LACTB2: variants seen among roughly 807,000 people sequenced by gnomAD.
The protein encoded by LACTB2 is endoribonuclease LACTB2.
A neutral mutation model predicts 34.8 loss-of-function variants in LACTB2; 32 were observed. That is an observed-to-expected ratio of 0.92 (90% confidence interval 0.69 to 1.24). LACTB2 has a LOEUF of 1.24. Ranked by LOEUF, LACTB2 falls within the 50% of genes most tolerant of loss-of-function variation. LACTB2 has a pLI of 0.00. For synonymous variants in LACTB2, 120 were observed against 117.5 expected (o/e 1.02, Z -0.14); for missense variants, 320 against 345.0 (o/e 0.93, Z 0.57).
chr8:70,660,795 T>C (rs1563408046), intron 2 of LACTB2: 1 of 456,276 alleles, frequency 2.2e-6, no homozygotes, highest in Non-Finnish European at 4.4e-6. Context: ...TCTATTTTTT[T>C]CCCTTTTTTT....
At chr8:70,647,191 A>C (rs1818273691) in intron 3 of LACTB2, among the ~76,000 whole-genome samples, 1 of 152,050 alleles carries the variant, frequency 6.6e-6, no homozygotes, top group Non-Finnish European at 1.5e-5. Flanking sequence ...ATTACCTGCT[A>C]TTCTAGTCAG....
chr8:70,664,989 G>T (rs1371407343), intron 1 of LACTB2, among the ~76,000 whole-genome samples: 1 of 152,142 alleles, frequency 6.6e-6, no homozygotes, highest in Non-Finnish European at 1.5e-5. Context: ...TAAGTGCTTA[G>T]AATCATTATG....
chr8:70,663,310 G>A (rs1818501715), intron 1 of LACTB2: 1 of 152,126 alleles, frequency 6.6e-6, no homozygotes, highest in Admixed American at 6.5e-5. Context: ...ATTTTTTATT[G>A]GTTTGTTTCC....
chr8:70,646,917 A>G (rs1272847908), intron 3 of LACTB2, among the ~76,000 whole-genome samples: 1 of 152,182 alleles, frequency 6.6e-6, no homozygotes, highest in Non-Finnish European at 1.5e-5. Flanking sequence ...GAGTTCCAGA[A>G]GGGCAGGACT....
chr8:70,654,249 G>A (rs913696704), intron 3 of LACTB2, among the ~76,000 whole-genome samples: 15 of 152,242 alleles, frequency 9.9e-5, no homozygotes, highest in African/African-American at 3.4e-4. Flanking sequence ...GACAAGTAGT[G>A]GAAAGGGGTG....
rs377028495 is a variant in LACTB2 at position 70,649,255 on chromosome 8, G to C, written c.414-5012C>G. 3.3e-5 allele frequency among the ~76,000 whole-genome samples: 5 copies of C among 152,240 alleles called. No individual in the cohort carries two copies. In the East Asian group the frequency reaches 7.7e-4, roughly 24 times the overall value. Reference sequence around the variant, plus strand: ...AGGCAAAGGGAAGCCCCAGGTGAGAGTGCAGGGAATTCTGAGATGACACCA... The same window carrying C: ...AGGCAAAGGGAAGCCCCAGGTGAGACTGCAGGGAATTCTGAGATGACACCA... On this transcript the variant is annotated intron_variant, in intron 3 of 6. Transcript: ENST00000276590.
intron 1 of LACTB2, 98 bp from the exon 2 acceptor site, chr8:70,661,995 AT>A (rs1818486524): frequency 1.9e-6 from 2 of 1,063,580 alleles, no homozygotes; most frequent in Non-Finnish European, 2.7e-6. Flanking sequence ...AACTGCAAAA[AT>A]TATTTTACTT....
chr8:70,638,742 ACAT>A, intron 5 of LACTB2, 113 bp from the exon 6 acceptor site: 1 of 919,360 alleles, frequency 1.1e-6, no homozygotes. Flanking sequence ...TATCTTAAAC[ACAT>A]TTTTTTTTTT....
intron 1 of LACTB2, among the ~76,000 whole-genome samples, chr8:70,666,140 TTACTGTTC>T (rs1453858745): frequency 6.6e-6 from 1 of 152,184 alleles, no homozygotes; most frequent in African/African-American, 2.4e-5. Flanking sequence ...CAGCAACTGT[TTACTGTTC>T]TACCTGAACT....
chr8:70,660,487 A>T, intron 2 of LACTB2: 2 of 390,994 alleles, frequency 5.1e-6, no homozygotes, highest in Non-Finnish European at 1.0e-5. Flanking sequence ...AGATGTCCCA[A>T]TTGTAGTCAC....
chr8:70,641,529 G>A (rs1366482237), intron 4 of LACTB2, among the ~76,000 whole-genome samples: 1 of 152,188 alleles, frequency 6.6e-6, no homozygotes, highest in Non-Finnish European at 1.5e-5. Flanking sequence ...AAGAAGGGGT[G>A]GAGTTAGGAT....
intron 1 of LACTB2, among the ~76,000 whole-genome samples, chr8:70,668,249 T>G (rs1818563198): frequency 6.6e-6 from 1 of 152,244 alleles, no homozygotes; most frequent in Non-Finnish European, 1.5e-5. Flanking sequence ...CAAGAGAAAC[T>G]ACATTATCTG....
chr8:70,644,041 T>TA (rs757758508), intron 4 of LACTB2, 24 bp downstream of exon 4: 24 of 1,479,926 alleles, frequency 1.6e-5, no homozygotes, highest in Non-Finnish European at 2.1e-5. Context: ...CATAAAAATA[T>TA]AAAAAAATTT....
chr8:70,651,465 C>G (rs530098170), intron 3 of LACTB2, among the ~76,000 whole-genome samples: 1 of 152,212 alleles, frequency 6.6e-6, no homozygotes, highest in South Asian at 2.1e-4. Flanking sequence ...GGCGATGTGT[C>G]ATATCTTGTG....
rs985014171 is a variant in LACTB2, at chr8:70,641,105, C to T, written c.593-55G>A. 3.5e-6 allele frequency: 5 copies of T among 1,423,116 alleles called. No homozygotes were observed. The African/African-American group carries it at 4.4e-5, about 13-fold the overall frequency. The allele number at this position is 1,423,116 out of a possible 1,614,324, so 88.2% of individuals were successfully genotyped here. On this transcript the variant is annotated intron_variant, in intron 4 of 6. Transcript: ENST00000276590. Reference sequence around the variant, plus strand: ...CAGTCAGATAAAAAAATACTAAGTACAACAGAAGCTAACTCACTCTATTTA... The same window carrying T: ...CAGTCAGATAAAAAAATACTAAGTATAACAGAAGCTAACTCACTCTATTTA...
chr8:70,657,955 G>C (rs1472099990), intron 2 of LACTB2, 73 bp from the exon 3 acceptor site: 3 of 962,710 alleles, frequency 3.1e-6, no homozygotes, highest in Non-Finnish European at 4.4e-6. Context: ...AACTTTCATA[G>C]AGCTAACACT....
chr8:70,647,965 T>G (rs1340424632), intron 3 of LACTB2, among the ~76,000 whole-genome samples: 1 of 151,982 alleles, frequency 6.6e-6, no homozygotes, highest in East Asian at 1.9e-4. Flanking sequence ...AAAAGTAAGA[T>G]TACAAGAATA....
chr8:70,642,133 C>T (rs949712516), intron 4 of LACTB2, among the ~76,000 whole-genome samples: 15 of 152,300 alleles, frequency 9.8e-5, no homozygotes, highest in African/African-American at 3.4e-4. Context: ...CACTAAAGCA[C>T]TCTAGAATCT....
chr8:70,658,823 G>A (rs383186), intron 2 of LACTB2, among the ~76,000 whole-genome samples: 53,374 of 151,854 alleles, frequency 0.35, 9,766 homozygotes, highest in East Asian at 0.66. Flanking sequence ...TCAGGAGTTC[G>A]AGACCAGTCT....
Sources: allele counts gnomAD v4.1 joint callset (sites outside exome capture counted in the v4.1 genomes callset), GRCh38; gene constraint gnomAD v4.1.1; transcripts MANE v1.5; gene names NCBI Gene and HGNC (gene_info 2026-07-23, HGNC 2026-07-21).